The following SPAG16 variants were observed in gnomAD, a reference collection of about 807,000 sequenced individuals.
SPAG16 encodes the protein sperm-associated antigen 16 protein.
Under a neutral mutation model 80.4 loss-of-function variants are expected in SPAG16, and 86 were observed. The observed-to-expected ratio is 1.07, with a 90% CI of 0.90 to 1.28. The LOEUF is 1.28. Among genes scored for constraint, SPAG16 ranks in the 50% most tolerant of loss-of-function variants. The pLI is 0.00. For synonymous variants in SPAG16, 294 were observed against 265.9 expected, an observed-to-expected ratio of 1.11 and a Z score of -1.03; for missense variants, 870 against 765.3, an observed-to-expected ratio of 1.14 and a Z score of -1.61.
intron 10 of SPAG16, among the ~76,000 whole-genome samples, chr2:213,695,338 TG>T (rs2065114681): frequency 6.6e-6 from 1 of 152,214 alleles, no homozygotes; most frequent in Non-Finnish European, 1.5e-5. Flanking sequence ...AAAAGTGCTA[TG>T]TTCAGGATAA....
chr2:214,055,906 G>GA (rs967646450), intron 13 of SPAG16, among the ~76,000 whole-genome samples: 6 of 151,270 alleles, frequency 4.0e-5, no homozygotes, highest in African/African-American at 7.3e-5. Context: ...TTTTAATAGA[G>GA]AAAAAATCAA....
At chr2:213,845,545 A>C (rs773120337) in intron 10 of SPAG16, among the ~76,000 whole-genome samples, 28 of 152,190 alleles carry the variant, frequency 1.8e-4, no homozygotes, top group Non-Finnish European at 2.9e-4. Flanking sequence ...GTTCAAAGCA[A>C]TATGTACACG....
intron 10 of SPAG16, among the ~76,000 whole-genome samples, chr2:213,770,373 G>A (rs1384932749): frequency 1.3e-5 from 2 of 152,046 alleles, no homozygotes; most frequent in Admixed American, 6.6e-5. Context: ...TTTCTAAGTT[G>A]TATAATTTTT....
intron 10 of SPAG16, among the ~76,000 whole-genome samples, chr2:213,857,554 G>GA (rs35013692): frequency 7.3e-5 from 11 of 150,960 alleles, no homozygotes; most frequent in African/African-American, 1.7e-4. Context: ...CTACTGTTCA[G>GA]AAAAAAAAAT....
At chr2:213,634,837 G>A (rs2062296749) in intron 10 of SPAG16, among the ~76,000 whole-genome samples, 1 of 151,944 alleles carries the variant, frequency 6.6e-6, no homozygotes, top group Admixed American at 6.6e-5. Context: ...CCACTTATAA[G>A]TGAGAATGTA....
intron 10 of SPAG16, among the ~76,000 whole-genome samples, chr2:213,629,530 A>G (rs2062069986): frequency 1.3e-5 from 2 of 152,186 alleles, no homozygotes; most frequent in African/African-American, 4.8e-5. Context: ...AGCCTGTTAC[A>G]TATAAACAAA....
At chr2:213,971,621 G>C (rs10205070) in intron 12 of SPAG16, among the ~76,000 whole-genome samples, 1 of 151,954 alleles carries the variant, frequency 6.6e-6, no homozygotes, top group South Asian at 2.1e-4. Flanking sequence ...ACCCCAAACA[G>C]AAACTATGTT....
At chr2:214,079,206 T>C (rs879635392) in intron 13 of SPAG16, among the ~76,000 whole-genome samples, 5 of 152,182 alleles carry the variant, frequency 3.3e-5, no homozygotes, top group African/African-American at 1.2e-4. Context: ...CACTAACTTT[T>C]CTCTACTTCC....
chr2:214,215,163 T>C (rs886212772), intron 15 of SPAG16, among the ~76,000 whole-genome samples: 8 of 152,052 alleles, frequency 5.3e-5, no homozygotes, highest in Non-Finnish European at 1.2e-4. Flanking sequence ...ATGACCCCCT[T>C]GTTCACATAA....
chr2:213,798,473 T>C (rs2071180695), intron 10 of SPAG16, among the ~76,000 whole-genome samples: 1 of 152,150 alleles, frequency 6.6e-6, no homozygotes, highest in African/African-American at 2.4e-5. Flanking sequence ...CAGGCTGGTC[T>C]TGAACTTCTG....
chr2:213,682,912 G>T (rs1376094698), intron 10 of SPAG16, among the ~76,000 whole-genome samples: 2 of 152,014 alleles, frequency 1.3e-5, no homozygotes, highest in Non-Finnish European at 2.9e-5. Context: ...AATTTGTATT[G>T]GTTATTTGAT....
At chr2:213,305,930 T>G (rs1413876959) in intron 3 of SPAG16, among the ~76,000 whole-genome samples, 1 of 152,198 alleles carries the variant, frequency 6.6e-6, no homozygotes, top group Non-Finnish European at 1.5e-5. Context: ...ATTAGTTCCT[T>G]TTTAAAATGT....
At chr2:213,326,031 G>A (rs191367906) in intron 5 of SPAG16, among the ~76,000 whole-genome samples, 1 of 152,036 alleles carries the variant, frequency 6.6e-6, no homozygotes, top group Admixed American at 6.6e-5. Flanking sequence ...TCTTGGGAAT[G>A]TAACCAGTCT....
intron 12 of SPAG16, among the ~76,000 whole-genome samples, chr2:214,008,916 A>G (rs914174094): frequency 6.6e-6 from 1 of 152,120 alleles, no homozygotes; most frequent in Non-Finnish European, 1.5e-5. Flanking sequence ...GTAGAACTCT[A>G]CTTTTGTTTT....
chr2:214,190,428 T>C (rs2057625693), intron 15 of SPAG16, among the ~76,000 whole-genome samples: 1 of 152,180 alleles, frequency 6.6e-6, no homozygotes, highest in African/African-American at 2.4e-5. Context: ...TATACCCTCA[T>C]ATAAAATTGA....
intron 13 of SPAG16, among the ~76,000 whole-genome samples, chr2:214,047,814 A>G (rs1323108973): frequency 1.3e-5 from 2 of 152,188 alleles, no homozygotes; most frequent in Admixed American, 6.5e-5. Flanking sequence ...AGTAACTAGA[A>G]TATATAAGGA....
At chr2:214,299,523 A>T (rs1437330191) in intron 15 of SPAG16, among the ~76,000 whole-genome samples, 1 of 152,120 alleles carries the variant, frequency 6.6e-6, no homozygotes, top group African/African-American at 2.4e-5. Context: ...CTGGGATTAC[A>T]GGCATGAGCC....
intron 9 of SPAG16, among the ~76,000 whole-genome samples, chr2:213,407,146 G>A (rs890095202): frequency 6.6e-6 from 1 of 152,170 alleles, no homozygotes; most frequent in Admixed American, 6.5e-5. Flanking sequence ...TTGTTCGTGT[G>A]GATGGTGACA....
At chr2:214,067,941 C>A (rs978609882) in intron 13 of SPAG16, among the ~76,000 whole-genome samples, 1 of 152,118 alleles carries the variant, frequency 6.6e-6, no homozygotes, top group East Asian at 1.9e-4. Context: ...TAATGTGTTA[C>A]TTTGTAAATA....
Sources: allele counts gnomAD v4.1 joint callset (sites outside exome capture counted in the v4.1 genomes callset), GRCh38; gene constraint gnomAD v4.1.1; transcripts MANE v1.5; gene names NCBI Gene and HGNC (gene_info 2026-07-23, HGNC 2026-07-21).